TMTC4: variants seen among roughly 807,000 people sequenced by gnomAD.
TMTC4 encodes transmembrane O-mannosyltransferase targeting cadherins 4, also known as protein O-mannosyl-transferase TMTC4.
In TMTC4, 65 loss-of-function variants were observed where a neutral mutation model predicts 86.0. The ratio of observed to expected loss-of-function variants is 0.76; its 90% CI spans 0.62 to 0.93. TMTC4 has a LOEUF of 0.93. Among genes scored for constraint, TMTC4 ranks in the 40% least tolerant of loss-of-function variants. TMTC4 has a pLI of 0.00. For missense variants in TMTC4, 866 were observed against 948.1 expected (o/e 0.91, Z 1.14); for synonymous variants, 379 against 382.5 (o/e 0.99, Z 0.11).
intron 15 of TMTC4, among the ~76,000 whole-genome samples, chr13:100,620,375 G>A (rs900720643): frequency 2.6e-5 from 4 of 152,168 alleles, no homozygotes; most frequent in Non-Finnish European, 5.9e-5. Flanking sequence ...GGAAGCAGTG[G>A]TCTGTCTCCA....
intron 2 of TMTC4, 143 bp downstream of exon 2, chr13:100,670,217 G>C (rs569532129): frequency 1.2e-6 from 1 of 839,278 alleles, no homozygotes; most frequent in African/African-American, 1.8e-5. Flanking sequence ...GGATGTATTT[G>C]TTTCTGGATC....
At chr13:100,614,249 C>T in intron 16 of TMTC4, 67 bp downstream of exon 16, 1 of 1,180,582 alleles carries the variant, frequency 8.5e-7, no homozygotes, top group Non-Finnish European at 1.2e-6. Flanking sequence ...TCTCTATTTC[C>T]TAAGTCTTCG....
rs1478387802 is a variant in TMTC4 at position 100,604,244 on chromosome 13, A to G, written c.*750T>C. The G allele has an allele frequency of 6.6e-6, 1 of 152,624 alleles. No individual in the cohort carries two copies. The highest frequency in any genetic ancestry group is 1.5e-5 in the Non-Finnish European group (1 of 68,038). The allele number at this position is 152,624 out of a possible 1,614,324, so 9.5% of individuals were successfully genotyped here. On this transcript the variant is annotated 3_prime_UTR_variant, in exon 19 of 19. Coordinates refer to ENST00000342624, the MANE Select transcript of TMTC4 (RefSeq NM_032813.5). ...CACCTTGGATGTAACAAAAATAAAG[A>G]TGTGAGGCTGCCTGCTCTTGCCTAA...
rs55991542 is a variant in TMTC4 at position 100,649,794 on chromosome 13, T to A, written c.640+6587A>T. ...ATAAATAAATAAATAAATAAATAAA[T>A]AAAAATTACTTAATATTTAAAAACT... On this transcript the variant is annotated intron_variant, in intron 6 of 18. Coordinates refer to ENST00000342624, the MANE Select transcript of TMTC4 (RefSeq NM_032813.5). Among the ~76,000 whole-genome samples the A allele has an allele frequency of 3.4e-3, 514 of 151,134 alleles. 3 individuals carry two copies. The highest frequency in any genetic ancestry group is 0.011 in the African/African-American group (466 of 41,364).
rs755569701 is a variant in TMTC4 at position 100,634,873 on chromosome 13, T to C, written c.1438A>G (p.Ser480Gly). ...TGTTCCTCACTCCGCCACTCGCCGC[T>C]GCGCAGCACACATCTCAGCGTGTTG... ...FINTLRCVLR[S>G]GEWRSEEQLF... Residue 480 changes from serine (S) to glycine (G), a missense_variant, in exon 12 of 19, where the codon AGC (serine) becomes GGC (glycine). Physicochemically the swap from Ser to Gly is moderately conservative, Grantham distance 56. Transcript: ENST00000342624. 3 of 1,614,220 alleles carry C rather than the reference T, an allele frequency of 1.9e-6. No homozygotes were observed. Among genetic ancestry groups the C allele is most frequent in the Middle Eastern group, 1.6e-4 (1 of 6,062 alleles).
At chr13:100,619,034 G>T (rs1331563779) in intron 15 of TMTC4, among the ~76,000 whole-genome samples, 2 of 152,110 alleles carry the variant, frequency 1.3e-5, no homozygotes, top group African/African-American at 4.8e-5. Context: ...GGCCGGCCGG[G>T]CAGAGGGGCT....
At chr13:100,669,238 A>G (rs1305564890) in intron 2 of TMTC4, among the ~76,000 whole-genome samples, 2 of 152,202 alleles carry the variant, frequency 1.3e-5, no homozygotes. Context: ...CGTGTGTAAA[A>G]CACAACCCTG....
intron 4 of TMTC4, among the ~76,000 whole-genome samples, chr13:100,663,592 A>G (rs565574617): frequency 1.1e-4 from 16 of 152,244 alleles, no homozygotes; most frequent in African/African-American, 3.6e-4. Flanking sequence ...TCCTCCAAAA[A>G]AGGGCTCCTC....
At chr13:100,647,131 C>A (rs1370535705) in intron 6 of TMTC4, among the ~76,000 whole-genome samples, 1 of 152,206 alleles carries the variant, frequency 6.6e-6, no homozygotes, top group Non-Finnish European at 1.5e-5. Context: ...CTCGGTACAG[C>A]CTCTCTTCCC....
In TMTC4 at chr13:100,625,548, T is replaced by C. The variant is rs766042427; in HGVS notation, c.1823A>G (p.Asn608Ser). 58 of 1,614,140 alleles carry C rather than the reference T, an allele frequency of 3.6e-5. No homozygotes were observed. Among genetic ancestry groups the C allele is most frequent in the Admixed American group, 5.0e-5 (3 of 60,026 alleles). Residue 608 changes from asparagine (N) to serine (S), a missense_variant, in exon 15 of 19, where the codon AAC (asparagine) becomes AGC (serine). By Grantham distance (46) the Asn-to-Ser change is conservative. Coordinates refer to ENST00000342624, the MANE Select transcript of TMTC4 (RefSeq NM_032813.5). ...HRRKYPDCYY[N>S]LGRLYADLNR... The stretch of plus-strand genomic sequence containing the variant: ...CCCCGCGCTTACCAGACGCCCGAGG[T>C]TGTAGTAACAGTCTGGGTATTTCCT...
At chr13:100,664,417 T>C in intron 3 of TMTC4, 81 bp from the exon 4 acceptor site, 2 of 981,550 alleles carry the variant, frequency 2.0e-6, no homozygotes, top group Non-Finnish European at 3.0e-6. Flanking sequence ...TCACCTGGGA[T>C]GCAGTCAGGC....
rs1878636548 is a variant in TMTC4 at position 100,617,161 on chromosome 13, T to G, written c.1837-2731A>C. 2.0e-5 allele frequency among the ~76,000 whole-genome samples: 3 copies of G among 152,122 alleles called. No individual in the cohort carries two copies. The South Asian group carries it at 6.2e-4, about 31-fold the overall frequency. ...TTTTTAAAGACAGGGTCTTATTCTG[T>G]CGCCCAGGCGGGAGCGCAGTGGTGT... On this transcript the variant is annotated intron_variant, in intron 15 of 18. Transcript: ENST00000342624.
At chr13:100,674,918 C>T, upstream of TMTC4, 1 of 985,020 alleles carries the variant, frequency 1.0e-6, no homozygotes, top group Non-Finnish European at 1.2e-6. Context: ...GCACCAGTCT[C>T]GGCCCGCCCC....
intron 17 of TMTC4, among the ~76,000 whole-genome samples, chr13:100,611,097 T>C (rs996092482): frequency 6.6e-6 from 1 of 152,236 alleles, no homozygotes; most frequent in Non-Finnish European, 1.5e-5. Flanking sequence ...GATAATGACA[T>C]GTAATAAACA....
intron 12 of TMTC4, among the ~76,000 whole-genome samples, chr13:100,634,528 A>C (rs775950118): frequency 2.0e-5 from 3 of 152,132 alleles, no homozygotes; most frequent in Non-Finnish European, 2.9e-5. Context: ...TCAAAGGGTG[A>C]GTAGATCATC....
intron 15 of TMTC4, among the ~76,000 whole-genome samples, chr13:100,623,640 G>GTTT (rs71200708): frequency 0.021 from 2,041 of 95,872 alleles, 219 homozygotes; most frequent in East Asian, 0.041. Flanking sequence ...TACTAGTTGG[G>GTTT]TTTTGTTTTT....
At chr13:100,637,825 T>C in intron 8 of TMTC4, 105 bp downstream of exon 8, 1 of 1,534,314 alleles carries the variant, frequency 6.5e-7, no homozygotes, top group East Asian at 2.3e-5. Flanking sequence ...AAAGGCTGGT[T>C]ATTGTAGAAT....
At chr13:100,650,434 G>A (rs548117095) in intron 6 of TMTC4, among the ~76,000 whole-genome samples, 1 of 152,312 alleles carries the variant, frequency 6.6e-6, no homozygotes, top group African/African-American at 2.4e-5. Context: ...TTTCCAGTGG[G>A]AAGATCTCCT....
intron 12 of TMTC4, among the ~76,000 whole-genome samples, chr13:100,630,065 G>A (rs74118112): frequency 7.0e-6 from 1 of 142,596 alleles, no homozygotes; most frequent in Non-Finnish European, 1.5e-5. Flanking sequence ...GTGTGTGTGT[G>A]TATGTGTGTG....
Sources: gnomAD v4.1 joint callset for allele counts (sites outside exome capture counted in the v4.1 genomes callset) on GRCh38, gnomAD v4.1.1 for gene constraint, MANE v1.5 for transcripts, NCBI Gene and HGNC (gene_info 2026-07-23, HGNC 2026-07-21) for gene names.